ARHGAP32: variants seen among roughly 807,000 people sequenced by gnomAD.
The protein encoded by ARHGAP32 is Rho GTPase activating protein 32, also known as rho GTPase-activating protein 32.
A neutral mutation model predicts 186.5 loss-of-function variants in ARHGAP32; 51 were observed. The ratio of observed to expected loss-of-function variants is 0.27; its 90% CI spans 0.22 to 0.35. The LOEUF (loss-of-function observed/expected upper bound fraction) is 0.35. Ranked by LOEUF, ARHGAP32 falls within the 10% of genes least tolerant of loss-of-function variation. The probability of loss-of-function intolerance (pLI) is 1.00; values close to 1 mark genes in which losing one functional copy is unlikely to be tolerated. For missense variants in ARHGAP32, 2,186 were observed against 2,623.5 expected, an observed-to-expected ratio of 0.83 and a Z score of 3.64; for synonymous variants, 950 against 964.3, an observed-to-expected ratio of 0.99 and a Z score of 0.27.
At chr11:129,034,836 A>T (rs568654212) in intron 11 of ARHGAP32, among the ~76,000 whole-genome samples, 1 of 132,392 alleles carries the variant, frequency 7.6e-6, no homozygotes, top group Non-Finnish European at 1.6e-5. Context: ...GAAAAAGAAG[A>T]AAAAGAAAAC....
At chr11:129,231,870 C>CAA (rs1944863533) in intron 1 of ARHGAP32, among the ~76,000 whole-genome samples, 1 of 151,480 alleles carries the variant, frequency 6.6e-6, no homozygotes, top group Non-Finnish European at 1.5e-5. Context: ...ATAAAAAATA[C>CAA]AAAAATTAGC....
At chr11:129,131,380 T>G (rs920033885) in intron 2 of ARHGAP32, among the ~76,000 whole-genome samples, 1 of 152,164 alleles carries the variant, frequency 6.6e-6, no homozygotes, top group African/African-American at 2.4e-5. Flanking sequence ...GGAATAGTTA[T>G]GATAACTACG....
At chr11:129,093,481 A>G (rs993895705) in intron 6 of ARHGAP32, 140 bp downstream of exon 6, 1 of 661,846 alleles carries the variant, frequency 1.5e-6, no homozygotes, top group Non-Finnish European at 2.7e-6. Context: ...TCATTATTGC[A>G]CAATCTCATT....
At chr11:129,269,273 AAAAT>A (rs771339005) in intron 1 of ARHGAP32, among the ~76,000 whole-genome samples, 154 of 152,254 alleles carry the variant, frequency 1.0e-3, no homozygotes, top group Non-Finnish European at 1.3e-3. Flanking sequence ...CCTCTCTCGA[AAAAT>A]AAATTAATTA....
chr11:129,059,097 TA>T (rs999756314), intron 10 of ARHGAP32, among the ~76,000 whole-genome samples: 1 of 152,190 alleles, frequency 6.6e-6, no homozygotes, highest in Non-Finnish European at 1.5e-5. Flanking sequence ...TTCCTTTCCA[TA>T]TGGTAGAAAA....
chr11:128,971,103 G>A lies in ARHGAP32; in HGVS notation c.4110C>T (p.Asp1370=). The A allele has an allele frequency of 1.9e-6, 3 of 1,614,204 alleles. No individual in the cohort carries two copies. Among genetic ancestry groups the A allele is most frequent in the Middle Eastern group, 1.6e-4 (1 of 6,062 alleles). ...TGTCACTGATGAAGGCAGACGCAGG[G>A]TCATCCATGGCTCGAGGTTCAGGTG... is the stretch of plus-strand genomic sequence containing the variant. ...ERPPEPRAMD[D]PASAFISDSG... is the part of the protein sequence containing the mutation. Residue 1370 remains aspartate, a synonymous_variant, in exon 23 of 23, where the codon GAC becomes GAT. Coordinates refer to ENST00000682385, the MANE Select transcript of ARHGAP32 (RefSeq NM_001378024.1).
In ARHGAP32 at chr11:128,980,741, T is replaced by C. The variant is rs770437908; in HGVS notation, c.1788A>G (p.Leu596=). 17 of 1,600,408 alleles carry C rather than the reference T, an allele frequency of 1.1e-5. No individual in the cohort carries two copies. The highest frequency in any genetic ancestry group is 1.4e-5 in the Non-Finnish European group (16 of 1,175,704). ...ATACCAGGAGGGACTTGGGCCTTGA[T>C]AGAGAAGCTTCAAAAAGAAAAGGAA... ...SMAMQEGAAS[L]SRPKSLLVSS... is the part of the protein sequence containing the mutation. The change falls in exon 18 of 23, where the codon CTA becomes CTG. Residue 596 remains leucine, a synonymous_variant. Transcript: ENST00000682385.
chr11:129,062,657 T>A (rs1006234609), intron 9 of ARHGAP32, among the ~76,000 whole-genome samples: 1 of 152,208 alleles, frequency 6.6e-6, no homozygotes, highest in African/African-American at 2.4e-5. Flanking sequence ...CACACCATTA[T>A]CATCACTTCT....
In ARHGAP32 at chr11:128,978,778, G is replaced by C; in HGVS notation, c.2114C>G (p.Ala705Gly). 1 of 1,609,800 alleles carries C rather than the reference G, an allele frequency of 6.2e-7. No homozygotes were observed. Among genetic ancestry groups the C allele is most frequent in the Non-Finnish European group, 8.5e-7 (1 of 1,178,782 alleles). ...ESEPSEMKAM[A>G]LKGGRAEGTL... ...ATCTCCCAGGCACTCACCTTTCAGA[G>C]CCATGGCTTTCATCTCTGAAGGCTC... The change falls in exon 19 of 23, where the codon GCT becomes GGT. Residue 705 changes from alanine (A) to glycine (G), a missense_variant. Physicochemically the swap from Ala to Gly is moderately conservative, Grantham distance 60. Coordinates refer to ENST00000682385, the MANE Select transcript of ARHGAP32 (RefSeq NM_001378024.1).
At chr11:129,105,083 C>T (rs1471919788) in intron 5 of ARHGAP32, among the ~76,000 whole-genome samples, 1 of 152,134 alleles carries the variant, frequency 6.6e-6, no homozygotes, top group African/African-American at 2.4e-5. Context: ...ATATGGAACT[C>T]ATTCAAGGAG....
chr11:129,219,459 C>T (rs1215035057), intron 1 of ARHGAP32, among the ~76,000 whole-genome samples: 3 of 152,080 alleles, frequency 2.0e-5, no homozygotes, highest in South Asian at 2.1e-4. Context: ...AAATGATAAA[C>T]GAGAAAATTT....
intron 2 of ARHGAP32, among the ~76,000 whole-genome samples, chr11:129,162,878 A>C (rs1186304662): frequency 3.9e-5 from 6 of 152,178 alleles, no homozygotes; most frequent in Non-Finnish European, 8.8e-5. Context: ...TCAAATATTA[A>C]AACAAGAAGG....
At chr11:129,234,343 G>A (rs1039721843) in intron 1 of ARHGAP32, among the ~76,000 whole-genome samples, 2 of 151,954 alleles carry the variant, frequency 1.3e-5, no homozygotes, top group Non-Finnish European at 2.9e-5. Context: ...TCTCAAAAAT[G>A]TAGTCTAAGC....
rs151174049 is a variant in ARHGAP32 at position 129,265,200 on chromosome 11, T to C, written c.-5+13946A>G. On this transcript the variant is annotated intron_variant, in intron 1 of 6. Coordinates refer to the ARHGAP32 transcript ENST00000525234. ...AAACTATGGAGGCACAAGTAGTTCA[T>C]GTCTCTCGTGCATTCTAGTACCTAT... Among the ~76,000 whole-genome samples the C allele has an allele frequency of 2.9e-4, 44 of 152,322 alleles. No individual in the cohort carries two copies. In the East Asian group the frequency reaches 6.9e-3, roughly 24 times the overall value.
At chr11:129,174,430 A>G (rs1212414156) in intron 1 of ARHGAP32, among the ~76,000 whole-genome samples, 3 of 152,244 alleles carry the variant, frequency 2.0e-5, no homozygotes, top group Non-Finnish European at 4.4e-5. Context: ...CGAACTGGGT[A>G]GAGCCCACCA....
At chr11:129,099,906 AAGCTGGGAACCCT>A (rs1401778389) in intron 5 of ARHGAP32, among the ~76,000 whole-genome samples, 3 of 152,042 alleles carry the variant, frequency 2.0e-5, no homozygotes, top group Non-Finnish European at 2.9e-5. Context: ...AAGGGGGAGA[AAGCTGGGAACCCT>A]GCATGGGGCT....
chr11:129,230,252 C>T lies in ARHGAP32; in HGVS notation c.-5+48894G>A, dbSNP rs940435432. On this transcript the variant is annotated intron_variant, in intron 1 of 6. Transcript: ENST00000525234. The stretch of plus-strand genomic sequence containing the variant: ...AAACCTAAAGTTTAACATTATACTG[C>T]TTGGCCAATCCAAATTATTTAATAA... Among the ~76,000 whole-genome samples, 4 of 152,066 alleles carry T rather than the reference C, an allele frequency of 2.6e-5. No individual in the cohort carries two copies. In the South Asian group the frequency reaches 8.3e-4, roughly 31 times the overall value.
chr11:129,250,739 A>AT (rs1417316264), intron 1 of ARHGAP32, among the ~76,000 whole-genome samples: 1 of 152,142 alleles, frequency 6.6e-6, no homozygotes, highest in African/African-American at 2.4e-5. Flanking sequence ...CAACAGTCTC[A>AT]TTTTTTAACA....
intron 1 of ARHGAP32, among the ~76,000 whole-genome samples, chr11:129,256,635 C>T (rs1591722810): frequency 6.6e-6 from 1 of 152,218 alleles, no homozygotes; most frequent in East Asian, 1.9e-4. Context: ...TTCCAAAAAT[C>T]TCAGAGACTT....
Sources: gnomAD v4.1 joint callset for allele counts (sites outside exome capture counted in the v4.1 genomes callset) on GRCh38, gnomAD v4.1.1 for gene constraint, MANE v1.5 for transcripts, NCBI Gene and HGNC (gene_info 2026-07-23, HGNC 2026-07-21) for gene names.